Variants in KCNQ3 observed in about 807,000 individuals in gnomAD.
KCNQ3 encodes potassium voltage-gated channel subfamily Q member 3.
Under a neutral mutation model 92.5 loss-of-function variants are expected in KCNQ3, and 30 were observed. The observed-to-expected ratio is 0.32, with a 90% confidence interval of 0.24 to 0.44. The LOEUF (loss-of-function observed/expected upper bound fraction) is 0.44, where lower values mean the gene tolerates loss of function less well. Ranked by LOEUF, KCNQ3 falls within the 20% of genes least tolerant of loss-of-function variation. The pLI is 1.00. For synonymous variants in KCNQ3, 450 were observed against 468.8 expected (o/e 0.96, Z 0.52); for missense variants, 913 against 1,140.3 (o/e 0.80, Z 2.87).
intron 1 of KCNQ3, among the ~76,000 whole-genome samples, chr8:132,422,457 C>A (rs1470666436): frequency 6.6e-6 from 1 of 152,188 alleles, no homozygotes. Context: ...AACTCTCTAT[C>A]CTGCAGGTGT....
chr8:132,242,155 G>A (rs1266733403), intron 1 of KCNQ3, among the ~76,000 whole-genome samples: 1 of 152,192 alleles, frequency 6.6e-6, no homozygotes, highest in African/African-American at 2.4e-5. Context: ...TACCTCATAT[G>A]TGGGTAAGTG....
At chr8:132,451,623 A>T (rs1190022236) in intron 1 of KCNQ3, among the ~76,000 whole-genome samples, 1 of 152,266 alleles carries the variant, frequency 6.6e-6, no homozygotes, top group Non-Finnish European at 1.5e-5. Context: ...GTCATGCAAT[A>T]AACAGAAATG....
chr8:132,375,154 G>T (rs1327684244), intron 1 of KCNQ3, among the ~76,000 whole-genome samples: 2 of 151,996 alleles, frequency 1.3e-5, no homozygotes, highest in Non-Finnish European at 2.9e-5. Flanking sequence ...AAATCCCAAA[G>T]AACTTTCATT....
intron 12 of KCNQ3, among the ~76,000 whole-genome samples, chr8:132,135,323 G>T (rs1825047146): frequency 6.6e-6 from 1 of 151,490 alleles, no homozygotes; most frequent in African/African-American, 2.4e-5. Flanking sequence ...CAATAGGAAA[G>T]AAATGTTGCC....
At chr8:132,160,010 C>T (rs773219125) in intron 9 of KCNQ3, among the ~76,000 whole-genome samples, 11 of 152,160 alleles carry the variant, frequency 7.2e-5, no homozygotes, top group Non-Finnish European at 1.5e-4. Flanking sequence ...AGCTTAGCCC[C>T]TTGGAGGCAA....
intron 1 of KCNQ3, among the ~76,000 whole-genome samples, chr8:132,432,579 G>C (rs117299538): frequency 2.6e-5 from 4 of 151,796 alleles, no homozygotes; most frequent in African/African-American, 9.7e-5. Context: ...TTCCAAACTC[G>C]ACTCCACAGG....
At position 132,417,358 on chromosome 8, in the gene KCNQ3, C is replaced by A. The variant is rs149251502; in HGVS notation, c.386+62789G>T. Among the ~76,000 whole-genome samples, 383 of 152,174 alleles carry A rather than the reference C, an allele frequency of 2.5e-3. 2 individuals are homozygous for A. The highest frequency in any genetic ancestry group is 0.01 in the Middle Eastern group (3 of 294). ...CACAACAGCCCAACAGGGAGGGGAC[C>A]AAGTCCTCTCCTCCTGACTCTGACC... is the stretch of plus-strand genomic sequence containing the variant. On this transcript the variant is annotated intron_variant, in intron 1 of 14. Transcript: ENST00000388996.
intron 1 of KCNQ3, among the ~76,000 whole-genome samples, chr8:132,246,721 C>G (rs1387077250): frequency 6.6e-6 from 1 of 152,188 alleles, no homozygotes; most frequent in Non-Finnish European, 1.5e-5. Context: ...TATTTGTGCT[C>G]GCTCTTCAAC....
intron 1 of KCNQ3, among the ~76,000 whole-genome samples, chr8:132,188,094 A>C (rs888365954): frequency 6.6e-6 from 1 of 152,196 alleles, no homozygotes; most frequent in African/African-American, 2.4e-5. Context: ...ATGACCAGAA[A>C]GCTTGGAGTC....
At chr8:132,296,162 C>T (rs1793724741) in intron 1 of KCNQ3, among the ~76,000 whole-genome samples, 2 of 152,190 alleles carry the variant, frequency 1.3e-5, no homozygotes, top group Admixed American at 6.5e-5. Flanking sequence ...GTGGCCATTG[C>T]GTACCATATT....
At chr8:132,208,443 T>C (rs1813737662) in intron 1 of KCNQ3, among the ~76,000 whole-genome samples, 1 of 152,130 alleles carries the variant, frequency 6.6e-6, no homozygotes, top group Non-Finnish European at 1.5e-5. Context: ...GGTTATTCAC[T>C]AGCTGCTGGT....
At chr8:132,407,623 T>G (rs1820526418) in intron 1 of KCNQ3, among the ~76,000 whole-genome samples, 1 of 152,172 alleles carries the variant, frequency 6.6e-6, no homozygotes, top group Non-Finnish European at 1.5e-5. Flanking sequence ...ACACCCTTCC[T>G]CCCTCACAGG....
chr8:132,452,265 C>G (rs1821838476), intron 1 of KCNQ3, among the ~76,000 whole-genome samples: 1 of 152,062 alleles, frequency 6.6e-6, no homozygotes, highest in African/African-American at 2.4e-5. Context: ...TTCCTCCAGC[C>G]CCTGGCAACC....
At chr8:132,172,882 G>A (rs1826426791) in intron 6 of KCNQ3, among the ~76,000 whole-genome samples, 189 bp from the exon 7 acceptor site, 1 of 152,216 alleles carries the variant, frequency 6.6e-6, no homozygotes. Flanking sequence ...GCTTGGTTAA[G>A]TGAAATGAGC....
At chr8:132,345,658 A>C (rs901321370) in intron 1 of KCNQ3, among the ~76,000 whole-genome samples, 2 of 152,212 alleles carry the variant, frequency 1.3e-5, no homozygotes, top group African/African-American at 4.8e-5. Context: ...CCATTGTTTA[A>C]AGCACTCTCA....
intron 1 of KCNQ3, among the ~76,000 whole-genome samples, chr8:132,471,269 C>T (rs1287917638): frequency 1.3e-5 from 2 of 152,172 alleles, no homozygotes; most frequent in African/African-American, 4.8e-5. Context: ...AGAAGCACCA[C>T]ACAAGAGTGA....
intron 1 of KCNQ3, among the ~76,000 whole-genome samples, chr8:132,470,131 A>G (rs1306791094): frequency 6.6e-6 from 1 of 152,088 alleles, no homozygotes; most frequent in Admixed American, 6.6e-5. Flanking sequence ...ACAGCCTGGC[A>G]CAAGGTTTGG....
chr8:132,203,392 T>C (rs900561457), intron 1 of KCNQ3, among the ~76,000 whole-genome samples: 1 of 152,164 alleles, frequency 6.6e-6, no homozygotes, highest in Non-Finnish European at 1.5e-5. Context: ...ACTGGACACA[T>C]CAGGGTCTCA....
chr8:132,371,171 A>G (rs1046656959), intron 1 of KCNQ3, among the ~76,000 whole-genome samples: 5 of 152,044 alleles, frequency 3.3e-5, no homozygotes, highest in Admixed American at 2.0e-4. Flanking sequence ...CCTCTCCTCC[A>G]TCTTCAATCT....
Sources: gnomAD v4.1 joint callset for allele counts (sites outside exome capture counted in the v4.1 genomes callset) on GRCh38, gnomAD v4.1.1 for gene constraint, MANE v1.5 for transcripts, NCBI Gene and HGNC (gene_info 2026-07-23, HGNC 2026-07-21) for gene names.